The following PPP1R21 variants were observed in gnomAD, a reference collection of about 807,000 sequenced individuals.
PPP1R21 encodes protein phosphatase 1 regulatory subunit 21, also known as KLRAQ motif containing 1.
PPP1R21 carries 85 observed loss-of-function variants against 112.8 expected under a neutral mutation model. That is an observed-to-expected ratio of 0.75 (90% CI 0.63 to 0.90). The LOEUF (loss-of-function observed/expected upper bound fraction) is 0.90. PPP1R21 is among the 40% of genes least tolerant of loss of function. The pLI is 0.00. For missense variants in PPP1R21, 1,199 were observed against 901.5 expected, an observed-to-expected ratio of 1.33 and a Z score of -4.23; for synonymous variants, 381 against 322.3, an observed-to-expected ratio of 1.18 and a Z score of -1.95.
At chr2:48,514,073 CTT>C (rs1225415838) in intron 21 of PPP1R21, among the ~76,000 whole-genome samples, 25 of 89,886 alleles carry the variant, frequency 2.8e-4, no homozygotes, top group Middle Eastern at 8.1e-3. Flanking sequence ...GAGACATGTT[CTT>C]TTTTTTTTTT....
intron 4 of PPP1R21, among the ~76,000 whole-genome samples, chr2:48,458,819 G>A (rs191552310): frequency 9.2e-5 from 14 of 152,170 alleles, no homozygotes; most frequent in African/African-American, 3.4e-4. Flanking sequence ...TGGGCTGGGC[G>A]CAGTGTCTCA....
intron 13 of PPP1R21, among the ~76,000 whole-genome samples, chr2:48,484,903 A>G (rs1005104169): frequency 1.3e-5 from 2 of 152,242 alleles, no homozygotes; most frequent in East Asian, 1.9e-4. Flanking sequence ...GAGTACCTCA[A>G]TTACCATCAA....
chr2:48,449,533 G>A (rs1667387913), intron 1 of PPP1R21, among the ~76,000 whole-genome samples: 1 of 152,154 alleles, frequency 6.6e-6, no homozygotes, highest in Non-Finnish European at 1.5e-5. Flanking sequence ...TTTTTAGTCT[G>A]TCTTTTGCTC....
At chr2:48,509,591 G>C (rs1210857375) in intron 19 of PPP1R21, among the ~76,000 whole-genome samples, 1 of 151,844 alleles carries the variant, frequency 6.6e-6, no homozygotes, top group South Asian at 2.1e-4. Context: ...TGTAATCCCA[G>C]CTACTCGGGA....
chr2:48,511,891 A>T (rs948301266), intron 21 of PPP1R21, among the ~76,000 whole-genome samples: 2 of 152,000 alleles, frequency 1.3e-5, no homozygotes, highest in African/African-American at 4.8e-5. Flanking sequence ...AAAAAAAAGC[A>T]TGTATAAATA....
chr2:48,463,083 A>G (rs564487268), intron 7 of PPP1R21, among the ~76,000 whole-genome samples: 2 of 152,336 alleles, frequency 1.3e-5, no homozygotes, highest in South Asian at 4.1e-4. Flanking sequence ...ATGGGTTCAT[A>G]TGTATCTATA....
At chr2:48,486,605 G>A (rs750184667) in intron 13 of PPP1R21, 26 bp from the exon 14 acceptor site, 2 of 1,557,518 alleles carry the variant, frequency 1.3e-6, no homozygotes, top group East Asian at 4.5e-5. Context: ...AGATAATAAT[G>A]AATTTTCATG....
At chr2:48,496,233 A>T (rs923598157) in intron 16 of PPP1R21, among the ~76,000 whole-genome samples, 2 of 152,244 alleles carry the variant, frequency 1.3e-5, no homozygotes, top group African/African-American at 4.8e-5. Flanking sequence ...AAATATGTAT[A>T]TATTTGTCCA....
Position 48,507,326 on chromosome 2 carries a change from G to A in PPP1R21, c.2026G>A (p.Val676Met). Residue 676 changes from valine (V) to methionine (M), a missense_variant, in exon 19 of 22, where the codon GTG becomes ATG. Coordinates refer to ENST00000294952, the MANE Select transcript of PPP1R21 (RefSeq NM_001135629.3). ...TAAAAATCACTACATGGCAAGGATA[G>A]TGGAACTTACGTCTCAGTTGCAGCT... is the stretch of plus-strand genomic sequence containing the variant. ...LIKNHYMARI[V>M]ELTSQLQLAD... 6.3e-7 allele frequency: 1 copy of A among 1,593,928 alleles called. No homozygotes were observed. Among genetic ancestry groups the A allele is most frequent in the East Asian group, 2.3e-5 (1 of 43,672 alleles).
intron 12 of PPP1R21, among the ~76,000 whole-genome samples, chr2:48,476,311 A>G (rs912853215): frequency 2.0e-5 from 3 of 152,208 alleles, no homozygotes; most frequent in African/African-American, 4.8e-5. Context: ...GAATGCTATT[A>G]TATTTTATGG....
intron 8 of PPP1R21, 65 bp from the exon 9 acceptor site, chr2:48,465,428 C>A: frequency 7.0e-7 from 1 of 1,433,130 alleles, no homozygotes; most frequent in South Asian, 1.3e-5. Flanking sequence ...AGATCAGACT[C>A]AATAAAGTTC....
intron 1 of PPP1R21, among the ~76,000 whole-genome samples, chr2:48,444,694 G>T (rs1211494663): frequency 1.3e-5 from 2 of 152,102 alleles, no homozygotes; most frequent in Non-Finnish European, 2.9e-5. Flanking sequence ...AAATTCTTGG[G>T]TCCACCCTGC....
Position 48,514,867 on chromosome 2 carries a change from A to C in PPP1R21, c.*123A>C. 1.1e-6 allele frequency: 1 copy of C among 891,660 alleles called. No individual in the cohort carries two copies. Among genetic ancestry groups the C allele is most frequent in the African/African-American group, 1.7e-5 (1 of 59,452 alleles). 55.2% of individuals were successfully genotyped at this position (891,660 alleles called of 1,614,324 possible). ...AGCTAAAGTATTGTTGGACCTAGTA[A>C]ACTAGTCAGTGTTGGAAACGGCCTT... is the stretch of plus-strand genomic sequence containing the variant. On this transcript the variant is annotated 3_prime_UTR_variant, in exon 22 of 22. Coordinates refer to ENST00000294952, the MANE Select transcript of PPP1R21 (RefSeq NM_001135629.3).
In PPP1R21 at chr2:48,465,620, CTA is replaced by C; in HGVS notation, c.879_880del (p.Pro295IlefsTer11). 6.2e-7 allele frequency: 1 copy of C among 1,612,128 alleles called. No individual in the cohort carries two copies. The highest frequency in any genetic ancestry group is 8.5e-7 in the Non-Finnish European group (1 of 1,179,492). ...TTTCCTGTTGATTCTGCCATTGACA[CTA>C]TATCTCCATTGAATCAGAAGGTAAA... On this transcript the variant is annotated frameshift_variant, in exon 9 of 22. Transcript: ENST00000294952. LOFTEE classifies it high-confidence loss of function.
At chr2:48,458,268 C>G in intron 4 of PPP1R21, 41 bp downstream of exon 4, 1 of 1,333,738 alleles carries the variant, frequency 7.5e-7, no homozygotes, top group Non-Finnish European at 1.1e-6. Flanking sequence ...AAAAATGGGT[C>G]TGTGATCTGT....
At chr2:48,445,166 G>A (rs1032139794) in intron 1 of PPP1R21, among the ~76,000 whole-genome samples, 2 of 125,558 alleles carry the variant, frequency 1.6e-5, no homozygotes, top group Non-Finnish European at 3.2e-5. Flanking sequence ...TGACCCTGAT[G>A]TGTAGGTAGG....
At chr2:48,499,132 T>TG (rs201005124) in intron 17 of PPP1R21, among the ~76,000 whole-genome samples, 10,593 of 126,714 alleles carry the variant, frequency 0.084, 540 homozygotes, top group Non-Finnish European at 0.12. Flanking sequence ...ATATTGGGGG[T>TG]GGGGGGGGAC....
intron 13 of PPP1R21, among the ~76,000 whole-genome samples, chr2:48,483,860 T>G (rs1179257106): frequency 2.0e-5 from 3 of 152,098 alleles, no homozygotes; most frequent in Non-Finnish European, 4.4e-5. Context: ...TTTTTTAAAT[T>G]TCTTTTTTAT....
chr2:48,457,161 G>A (rs772622970), intron 3 of PPP1R21, among the ~76,000 whole-genome samples: 1 of 152,134 alleles, frequency 6.6e-6, no homozygotes, highest in Non-Finnish European at 1.5e-5. Context: ...GCCTAGGACT[G>A]TTGAGCAGAG....
Sources: gnomAD v4.1 joint callset for allele counts (sites outside exome capture counted in the v4.1 genomes callset) on GRCh38, gnomAD v4.1.1 for gene constraint, MANE v1.5 for transcripts, NCBI Gene and HGNC (gene_info 2026-07-23, HGNC 2026-07-21) for gene names.